The following ESCO1 variants were observed in gnomAD, a reference collection of about 807,000 sequenced individuals.
The protein encoded by ESCO1 is establishment of sister chromatid cohesion N-acetyltransferase 1.
ESCO1 carries 33 observed loss-of-function variants against 83.5 expected under a neutral mutation model. The observed-to-expected ratio is 0.40, with a 90% CI of 0.30 to 0.53. The LOEUF (loss-of-function observed/expected upper bound fraction) is 0.53, where lower values mean the gene tolerates loss of function less well. Among genes scored for constraint, ESCO1 ranks in the 20% least tolerant of loss-of-function variants. ESCO1 has a pLI of 0.63. For missense variants in ESCO1, 855 were observed against 968.0 expected (o/e 0.88, Z 1.55); for synonymous variants, 332 against 324.3 (o/e 1.02, Z -0.25).
chr18:21,545,089 G>T (rs1030910869), intron 8 of ESCO1, among the ~76,000 whole-genome samples: 5 of 152,026 alleles, frequency 3.3e-5, no homozygotes, highest in Admixed American at 3.3e-4. Flanking sequence ...CTGTGTACTC[G>T]CTGTGTACTT....
rs144449994 is a variant in ESCO1 at position 21,597,329 on chromosome 18, C to G, written c.-825+3294G>C. Among the ~76,000 whole-genome samples, 175 of 152,176 alleles carry G rather than the reference C, an allele frequency of 1.1e-3. 1 individual carries two copies. The East Asian group carries it at 0.028, about 24-fold the overall frequency. On this transcript the variant is annotated intron_variant, in intron 1 of 11. Coordinates refer to ENST00000269214, the MANE Select transcript of ESCO1 (RefSeq NM_052911.3). ...ATGTAATACCATCACCATTCCTTCA[C>G]TAACTTATTTTGGAATATAGTTTTT... is the stretch of plus-strand genomic sequence containing the variant.
intron 1 of ESCO1, among the ~76,000 whole-genome samples, chr18:21,588,945 A>G (rs923797929): frequency 2.2e-4 from 34 of 151,942 alleles, no homozygotes; most frequent in African/African-American, 7.7e-4. Flanking sequence ...AGAAATGTTA[A>G]TAATAGATAA....
chr18:21,594,256 A>G (rs2038727950), intron 1 of ESCO1, among the ~76,000 whole-genome samples: 1 of 152,252 alleles, frequency 6.6e-6, no homozygotes, highest in South Asian at 2.1e-4. Flanking sequence ...GCCTACTGCT[A>G]GAGCTGTACT....
intron 2 of ESCO1, among the ~76,000 whole-genome samples, chr18:21,582,899 T>G (rs1173648427): frequency 6.6e-6 from 1 of 152,214 alleles, no homozygotes; most frequent in Non-Finnish European, 1.5e-5. Context: ...TTTCAAACAG[T>G]TTAATTTCAC....
chr18:21,595,320 C>A (rs1042560309), intron 1 of ESCO1, among the ~76,000 whole-genome samples: 3 of 148,340 alleles, frequency 2.0e-5, no homozygotes, highest in Admixed American at 1.4e-4. Flanking sequence ...GCCGAGATCA[C>A]GCCACTGCAC....
At position 21,573,798 on chromosome 18, in the gene ESCO1, T is replaced by C. The variant is rs757678009; in HGVS notation, c.1046A>G (p.Gln349Arg). 5.6e-6 allele frequency: 9 copies of C among 1,614,058 alleles called. No individual in the cohort carries two copies. Among genetic ancestry groups the C allele is most frequent in the Admixed American group, 5.0e-5 (3 of 60,002 alleles). ...ATTTGTTTCCTTCTGATGAAGTATT[T>C]GTCTTTCAACACTGGTCTCTTCCAA... Reference protein sequence around the residue: ...IKLEETSVERQILHQKETNQD... With the variant: ...IKLEETSVERRILHQKETNQD... The change falls in exon 4 of 12, where the codon CAA becomes CGA. Residue 349 changes from glutamine (Q) to arginine (R), a missense_variant. Transcript: ENST00000269214.
At chr18:21,586,221 ACT>A (rs1249707573) in intron 1 of ESCO1, among the ~76,000 whole-genome samples, 1 of 152,068 alleles carries the variant, frequency 6.6e-6, no homozygotes, top group African/African-American at 2.4e-5. Flanking sequence ...CCACTATGCT[ACT>A]CTCTACCTCC....
intron 1 of ESCO1, among the ~76,000 whole-genome samples, chr18:21,590,733 A>C (rs2038654376): frequency 6.6e-6 from 1 of 151,908 alleles, no homozygotes; most frequent in Admixed American, 6.6e-5. Flanking sequence ...GCAGATCACG[A>C]GGTCAACAGA....
chr18:21,584,617 T>C (rs1256065411), intron 1 of ESCO1, among the ~76,000 whole-genome samples, 177 bp from the exon 2 acceptor site: 1 of 151,908 alleles, frequency 6.6e-6, no homozygotes, highest in African/African-American at 2.4e-5. Flanking sequence ...GCCCAGGAGT[T>C]TGAGACCAGA....
intron 1 of ESCO1, among the ~76,000 whole-genome samples, chr18:21,592,417 C>T (rs1182073571): frequency 7.4e-6 from 1 of 134,758 alleles, no homozygotes; most frequent in African/African-American, 2.9e-5. Context: ...GGCGGCTGGC[C>T]GGGCGGGGGG....
chr18:21,570,325 C>T (rs955560370), intron 4 of ESCO1, among the ~76,000 whole-genome samples: 1 of 152,178 alleles, frequency 6.6e-6, no homozygotes, highest in Non-Finnish European at 1.5e-5. Context: ...TCTAAAACTC[C>T]TGGGCTCAAG....
chr18:21,577,429 G>A (rs1445721618), intron 2 of ESCO1, among the ~76,000 whole-genome samples: 7 of 150,418 alleles, frequency 4.7e-5, no homozygotes, highest in African/African-American at 1.7e-4. Flanking sequence ...GGAGGCCGAG[G>A]CGGGCAGATT....
chr18:21,552,638 G>T (rs1377519012), intron 8 of ESCO1, among the ~76,000 whole-genome samples: 1 of 152,120 alleles, frequency 6.6e-6, no homozygotes, highest in Non-Finnish European at 1.5e-5. Flanking sequence ...CAGTGGTACT[G>T]GTGAAACAAC....
chr18:21,594,619 G>C (rs2146238500), intron 1 of ESCO1, among the ~76,000 whole-genome samples: 1 of 151,936 alleles, frequency 6.6e-6, no homozygotes. Flanking sequence ...CAGGAGAATG[G>C]TGTGAACCCA....
At position 21,574,599 on chromosome 18, in the gene ESCO1, G is replaced by T. The variant is rs760654595; in HGVS notation, c.245C>A (p.Ser82Tyr). 3.1e-6 allele frequency: 5 copies of T among 1,613,824 alleles called. No individual in the cohort carries two copies. Among genetic ancestry groups the T allele is most frequent in the Middle Eastern group, 1.6e-4 (1 of 6,082 alleles). The change falls in exon 4 of 12, where the codon TCC (serine) becomes TAC (tyrosine). Residue 82 changes from serine to tyrosine, a missense_variant. By Grantham distance (144) the Ser-to-Tyr change is moderately radical (BLOSUM62 -2). This residue lies in a region of ESCO1 where 726 missense variants were observed against 699.5 expected (regional missense o/e 1.04). Transcript: ENST00000269214. ...KAASNDKATK[S>Y]INKNTVTVRG... ...CACAGTCACCGTATTTTTATTAATG[G>T]ATTTAGTAGCTTTATCATTAGATGC...
At chr18:21,599,581 C>T (rs959952475) in intron 1 of ESCO1, among the ~76,000 whole-genome samples, 8 of 152,116 alleles carry the variant, frequency 5.3e-5, no homozygotes, top group Non-Finnish European at 8.8e-5. Context: ...ATTGAGATAT[C>T]GTTTTGTAAT....
intron 1 of ESCO1, among the ~76,000 whole-genome samples, chr18:21,593,721 G>A (rs2038719925): frequency 6.6e-6 from 1 of 151,400 alleles, no homozygotes; most frequent in Non-Finnish European, 1.5e-5. Flanking sequence ...AGGAACAAGA[G>A]AGAAGTACTG....
At chr18:21,532,805 G>A (rs2037784570) in intron 10 of ESCO1, 145 bp from the exon 11 acceptor site, 2 of 694,872 alleles carry the variant, frequency 2.9e-6, no homozygotes, top group Non-Finnish European at 4.6e-6. Context: ...TTAGGAAACA[G>A]ACAATCTGGA....
At chr18:21,582,833 C>T (rs556868759) in intron 2 of ESCO1, among the ~76,000 whole-genome samples, 1 of 152,362 alleles carries the variant, frequency 6.6e-6, no homozygotes, top group African/African-American at 2.4e-5. Context: ...TACATTACTA[C>T]AAATGATTCA....
Sources: allele counts gnomAD v4.1 joint callset (sites outside exome capture counted in the v4.1 genomes callset), GRCh38; gene constraint gnomAD v4.1.1; regional missense constraint gnomAD v4.1.1; transcripts MANE v1.5; gene names NCBI Gene and HGNC (gene_info 2026-07-23, HGNC 2026-07-21).